Variants in GIMAP7 observed in about 807,000 individuals in gnomAD.
GIMAP7 encodes GTPase, IMAP family member 7.
For synonymous variants in GIMAP7, 137 were observed against 129.3 expected (o/e 1.06, Z -0.40); for missense variants, 323 against 359.7 (o/e 0.90, Z 0.83).
chr7:150,519,919 C>G lies in GIMAP7; in HGVS notation c.-41-15C>G, dbSNP rs914295886. The G allele has an allele frequency of 6.6e-7, 1 of 1,522,106 alleles. No individual in the cohort carries two copies. 94.3% of individuals were successfully genotyped at this position (1,522,106 alleles called of 1,614,324 possible). A position where few individuals can be genotyped will look rare whatever the true frequency, so the allele number is the denominator to read the frequency against. On this transcript the variant is annotated splice_polypyrimidine_tract_variant and intron_variant, in intron 1 of 1. Coordinates refer to ENST00000313543, the MANE Select transcript of GIMAP7 (RefSeq NM_153236.4). The stretch of plus-strand genomic sequence containing the variant: ...CTAAAACTGGCTTTTTTTCCCCTAT[C>G]TTCCCCTCCTTAAGGTCTTGTACGT...
rs1214135933 is a variant in GIMAP7, at chr7:150,520,311, G to T, written c.337G>T (p.Ala113Ser). 3 of 1,614,066 alleles carry T rather than the reference G, an allele frequency of 1.9e-6. No homozygotes were observed. The highest frequency in any genetic ancestry group is 1.7e-6 in the Non-Finnish European group (2 of 1,180,046). ...RYTEEEQKTV[A>S]LIKAVFGKSA... is the part of the protein sequence containing the mutation. ...CACAGAGGAGGAGCAGAAAACCGTT[G>T]CATTGATCAAGGCTGTCTTTGGGAA... The change falls in exon 2 of 2, where the codon GCA (alanine) becomes TCA (serine). Residue 113 changes from alanine (A) to serine (S), a missense_variant. Coordinates refer to ENST00000313543, the MANE Select transcript of GIMAP7 (RefSeq NM_153236.4).
intron 1 of GIMAP7, among the ~76,000 whole-genome samples, chr7:150,518,436 T>G (rs1161258055): frequency 6.6e-6 from 1 of 152,132 alleles, no homozygotes; most frequent in African/African-American, 2.4e-5. Flanking sequence ...TTTTTAATTA[T>G]TTTTCTCTAT....
rs144503420 is a variant in GIMAP7 at position 150,520,503 on chromosome 7, G to C, written c.529G>C (p.Glu177Gln). The change falls in exon 2 of 2, where the codon GAG (glutamate) becomes CAG (glutamine). Residue 177 changes from glutamate to glutamine, a missense_variant. Transcript: ENST00000313543. Reference sequence around the variant, plus strand: ...CAACAGCAAGAAAACCAGTAAGGCAGAGAAGGAAAGTCAAGTGCAGGAGTT... The same window carrying C: ...CAACAGCAAGAAAACCAGTAAGGCACAGAAGGAAAGTCAAGTGCAGGAGTT... ...FSNSKKTSKAEKESQVQELVE... is the reference protein window; with the variant it reads ...FSNSKKTSKAQKESQVQELVE... The C allele has an allele frequency of 2.4e-4, 389 of 1,614,226 alleles. 1 individual carries two copies. The Middle Eastern group carries it at 3.0e-3, about 12-fold the overall frequency.
chr7:150,520,261 T>G lies in GIMAP7; in HGVS notation c.287T>G (p.Val96Gly). The G allele has an allele frequency of 6.2e-7, 1 of 1,614,158 alleles. No homozygotes were observed. Among genetic ancestry groups the G allele is most frequent in the Non-Finnish European group, 8.5e-7 (1 of 1,180,028 alleles). The change falls in exon 2 of 2, where the codon GTC becomes GGC. Residue 96 changes from valine to glycine, a missense_variant. Val to Gly is a moderately radical substitution (Grantham distance 109). Transcript: ENST00000313543. ...TCCTGCCCAGGGCCCCATGCTATTG[T>G]CCTAGTTCTGCTGCTGGGCCGCTAC... is the stretch of plus-strand genomic sequence containing the variant. ...ISSCPGPHAI[V>G]LVLLLGRYTE...
At chr7:150,518,294 C>T (rs1477179841) in intron 1 of GIMAP7, among the ~76,000 whole-genome samples, 1 of 152,126 alleles carries the variant, frequency 6.6e-6, no homozygotes, top group Non-Finnish European at 1.5e-5. Context: ...TTGTTTTCCC[C>T]TTCACACTAG....
Position 150,520,950 on chromosome 7 carries a change from T to G in GIMAP7, c.*73T>G. ...AGAGAAATACCTCCTTCCCCTTAGC[T>G]TTATTAAGGTATCATTGATAAATAA... On this transcript the variant is annotated 3_prime_UTR_variant, in exon 2 of 2. Coordinates refer to ENST00000313543, the MANE Select transcript of GIMAP7 (RefSeq NM_153236.4). The G allele has an allele frequency of 3.0e-6, 2 of 667,556 alleles. No homozygotes were observed. Among genetic ancestry groups the G allele is most frequent in the Non-Finnish European group, 4.7e-6 (2 of 427,798 alleles). 41.4% of individuals were successfully genotyped at this position (667,556 alleles called of 1,614,324 possible).
chr7:150,518,000 T>C (rs1795151877), intron 1 of GIMAP7, among the ~76,000 whole-genome samples: 1 of 152,150 alleles, frequency 6.6e-6, no homozygotes, highest in African/African-American at 2.4e-5. Context: ...AAACTATACA[T>C]TATTTTCTTC....
In GIMAP7 at chr7:150,520,469, T is replaced by C; in HGVS notation, c.495T>C (p.Cys165=). The C allele has an allele frequency of 6.2e-7, 1 of 1,614,216 alleles. No homozygotes were observed. Among genetic ancestry groups the C allele is most frequent in the East Asian group, 2.2e-5 (1 of 44,888 alleles). ...TCAAGGAGTGCGGGAACCGCTGCTG[T>C]GCCTTTAGCAACAGCAAGAAAACCA... is the stretch of plus-strand genomic sequence containing the variant. ...SIVKECGNRC[C]AFSNSKKTSK... Residue 165 remains cysteine, a synonymous_variant, in exon 2 of 2, where the codon TGT becomes TGC. Transcript: ENST00000313543.
chr7:150,515,708 G>A (rs1265732235), intron 1 of GIMAP7, among the ~76,000 whole-genome samples: 1 of 106,906 alleles, frequency 9.4e-6, no homozygotes, highest in Admixed American at 9.6e-5. Flanking sequence ...GAGGTCCTCT[G>A]GATCTTCCAG....
chr7:150,515,849 T>C (rs1033914290), intron 1 of GIMAP7, among the ~76,000 whole-genome samples: 25 of 152,156 alleles, frequency 1.6e-4, no homozygotes, highest in African/African-American at 5.6e-4. Context: ...CTCCTCACGG[T>C]TCCCTTATAA....
At chr7:150,517,599 T>TAC (rs113207147) in intron 1 of GIMAP7, among the ~76,000 whole-genome samples, 9,110 of 150,682 alleles carry the variant, frequency 0.06, 811 homozygotes, top group African/African-American at 0.2. Flanking sequence ...CACACACACA[T>TAC]ACACACACAC....
At position 150,521,013 on chromosome 7, in the gene GIMAP7, A is replaced by AATATATATATATATAT. The variant is rs60687169; in HGVS notation, c.*138_*153dup. On this transcript the variant is annotated 3_prime_UTR_variant, in exon 2 of 2. Coordinates refer to ENST00000313543, the MANE Select transcript of GIMAP7 (RefSeq NM_153236.4). ...TTTAATGTATATAATGTGATTTTTA[A>AATATATATATATATAT]ATATATATATATATATACACACATT... is the stretch of plus-strand genomic sequence containing the variant. 3.0e-5 allele frequency: 7 copies of AATATATATATATATAT among 233,088 alleles called. No homozygotes were observed. The highest frequency in any genetic ancestry group is 1.9e-4 in the African/African-American group (7 of 37,204). The allele number at this position is 233,088 out of a possible 1,614,324, so 14.4% of individuals were successfully genotyped here.
chr7:150,517,700 T>C (rs1795149166), intron 1 of GIMAP7, among the ~76,000 whole-genome samples: 1 of 152,168 alleles, frequency 6.6e-6, no homozygotes, highest in Non-Finnish European at 1.5e-5. Context: ...GTTAGGTTTA[T>C]TTGTTCCGTT....
rs529928390 is a variant in GIMAP7 at position 150,519,992 on chromosome 7, C to T, written c.18C>T (p.Asp6=). MAESE[D]RSLRIVLVGK... ...ACGTGAGCATGGCTGAGAGTGAGGA[C>T]CGCTCCCTGAGGATCGTTCTGGTAG... The change falls in exon 2 of 2, where the codon GAC becomes GAT. Residue 6 remains aspartate, a synonymous_variant. Transcript: ENST00000313543. The T allele has an allele frequency of 3.1e-6, 5 of 1,613,802 alleles. No individual in the cohort carries two copies. Among genetic ancestry groups the T allele is most frequent in the Non-Finnish European group, 4.2e-6 (5 of 1,179,886 alleles).
At chr7:150,518,653 T>C (rs1165073372) in intron 1 of GIMAP7, among the ~76,000 whole-genome samples, 1 of 152,090 alleles carries the variant, frequency 6.6e-6, no homozygotes, top group Non-Finnish European at 1.5e-5. Context: ...ATTTGTGTTT[T>C]AATTTGCCTA....
chr7:150,517,697 T>C (rs78733091), intron 1 of GIMAP7, among the ~76,000 whole-genome samples: 18,095 of 152,150 alleles, frequency 0.12, 1,417 homozygotes, highest in East Asian at 0.35. Context: ...ACAGTTAGGT[T>C]TATTTGTTCC....
intron 1 of GIMAP7, among the ~76,000 whole-genome samples, chr7:150,516,808 T>C (rs542039598): frequency 4.6e-5 from 7 of 152,240 alleles, no homozygotes; most frequent in African/African-American, 1.7e-4. Context: ...CTCCAGTGTT[T>C]TGTGTGAATT....
intron 1 of GIMAP7, among the ~76,000 whole-genome samples, chr7:150,518,193 G>C: frequency 6.6e-6 from 1 of 152,016 alleles, no homozygotes; most frequent in East Asian, 1.9e-4. Context: ...GCAGCTCTGG[G>C]ATAAATCCTA....
chr7:150,520,337 G>A lies in GIMAP7; in HGVS notation c.363G>A (p.Lys121=). The part of the protein sequence containing the change: ...TVALIKAVFG[K]SAMKHMVILF... ...CATTGATCAAGGCTGTCTTTGGGAA[G>A]TCAGCCATGAAGCACATGGTCATCT... Residue 121 remains lysine, a synonymous_variant, in exon 2 of 2, where the codon AAG becomes AAA. Coordinates refer to ENST00000313543, the MANE Select transcript of GIMAP7 (RefSeq NM_153236.4). 1.2e-6 allele frequency: 2 copies of A among 1,614,216 alleles called. No homozygotes were observed. The highest frequency in any genetic ancestry group is 1.7e-6 in the Non-Finnish European group (2 of 1,180,044).
Sources: allele counts gnomAD v4.1 joint callset (sites outside exome capture counted in the v4.1 genomes callset), GRCh38; gene constraint gnomAD v4.1.1; transcripts MANE v1.5; gene names NCBI Gene and HGNC (gene_info 2026-07-23, HGNC 2026-07-21).